KANK1: variants seen among roughly 807,000 people sequenced by gnomAD.
KANK1 encodes KN motif and ankyrin repeat domain-containing protein 1.
A neutral mutation model predicts 106.2 loss-of-function variants in KANK1; 109 were observed. The observed-to-expected ratio is 1.03, with a 90% CI of 0.88 to 1.20. The LOEUF (loss-of-function observed/expected upper bound fraction) is 1.20. Among genes scored for constraint, KANK1 ranks in the 50% most tolerant of loss-of-function variants. The pLI is 0.00. For synonymous variants in KANK1, 873 were observed against 652.2 expected (o/e 1.34, Z -5.16); for missense variants, 2,399 against 1,710.7 (o/e 1.40, Z -7.10).
At chr9:718,646 A>G (rs1828415162) in intron 3 of KANK1, among the ~76,000 whole-genome samples, 1 of 152,066 alleles carries the variant, frequency 6.6e-6, no homozygotes, top group Non-Finnish European at 1.5e-5. Flanking sequence ...GTGGACTTCC[A>G]TGGCCTCCTG....
At chr9:574,473 G>GGGGTGCTCTGGGAAAA (rs1304150098) in intron 1 of KANK1, among the ~76,000 whole-genome samples, 22 of 152,000 alleles carry the variant, frequency 1.4e-4, no homozygotes, top group South Asian at 2.1e-4. Context: ...ATTGAAGTAT[G>GGGGTGCTCTGGGAAAA]TCATTTATAT....
At chr9:706,828 C>G in intron 2 of KANK1, 2 of 985,494 alleles carry the variant, frequency 2.0e-6, no homozygotes, top group South Asian at 4.7e-5. Flanking sequence ...TGCACCTCCT[C>G]AGGTGACCGA....
intron 1 of KANK1, among the ~76,000 whole-genome samples, chr9:511,088 T>G (rs1037359171): frequency 3.3e-5 from 5 of 150,592 alleles, no homozygotes; most frequent in Non-Finnish European, 5.9e-5. Context: ...ATACTCAATA[T>G]CGATACAAAA....
intron 3 of KANK1, among the ~76,000 whole-genome samples, chr9:481,283 A>G (rs2058198389): frequency 1.4e-5 from 2 of 140,430 alleles, no homozygotes; most frequent in African/African-American, 5.4e-5. Context: ...TGTATTTAAA[A>G]ACAAAACAAA....
chr9:600,293 CT>C (rs1434676365), intron 1 of KANK1, among the ~76,000 whole-genome samples: 2 of 151,674 alleles, frequency 1.3e-5, no homozygotes. Flanking sequence ...CGCTGTCTGT[CT>C]TTTTGTGGCT....
At chr9:492,839 A>G (rs2058399123) in intron 3 of KANK1, among the ~76,000 whole-genome samples, 1 of 152,010 alleles carries the variant, frequency 6.6e-6, no homozygotes, top group South Asian at 2.1e-4. Context: ...AGCCTGACCA[A>G]CATGGAGAAA....
At chr9:520,758 C>T (rs2059508293) in intron 1 of KANK1, among the ~76,000 whole-genome samples, 1 of 151,726 alleles carries the variant, frequency 6.6e-6, no homozygotes, top group African/African-American at 2.4e-5. Flanking sequence ...ACTGATTAAT[C>T]TTTTATGAAT....
At chr9:739,674 C>A (rs1834827154) in intron 8 of KANK1, among the ~76,000 whole-genome samples, 1 of 152,218 alleles carries the variant, frequency 6.6e-6, no homozygotes, top group African/African-American at 2.4e-5. Flanking sequence ...CTGACAGGAA[C>A]AGCTTAGTAT....
intron 3 of KANK1, among the ~76,000 whole-genome samples, chr9:480,269 A>C (rs2132142608): frequency 6.6e-6 from 1 of 152,342 alleles, no homozygotes; most frequent in South Asian, 2.1e-4. Flanking sequence ...GCCAGACTCA[A>C]ATCACCCATA....
At chr9:629,895 A>G (rs1835256382) in intron 1 of KANK1, among the ~76,000 whole-genome samples, 1 of 152,204 alleles carries the variant, frequency 6.6e-6, no homozygotes, top group Admixed American at 6.5e-5. Context: ...TGTACTACGC[A>G]CTTTGTTCAT....
intron 1 of KANK1, among the ~76,000 whole-genome samples, chr9:615,753 C>T (rs940434316): frequency 6.6e-6 from 1 of 152,190 alleles, no homozygotes; most frequent in African/African-American, 2.4e-5. Context: ...TATATATTCT[C>T]TTTGACATTT....
chr9:621,915 G>A (rs932812525), intron 1 of KANK1, among the ~76,000 whole-genome samples: 3 of 152,154 alleles, frequency 2.0e-5, no homozygotes, highest in African/African-American at 7.2e-5. Flanking sequence ...AAGGGCTTTG[G>A]TTTGTTCTGG....
At chr9:555,489 G>A (rs1308388093) in intron 1 of KANK1, among the ~76,000 whole-genome samples, 1 of 152,190 alleles carries the variant, frequency 6.6e-6, no homozygotes, top group Admixed American at 6.5e-5. Context: ...CATAAATCAG[G>A]ATTCAGATAC....
intron 1 of KANK1, among the ~76,000 whole-genome samples, chr9:613,739 G>A (rs1379048479): frequency 2.0e-5 from 3 of 152,006 alleles, no homozygotes; most frequent in Non-Finnish European, 4.4e-5. Flanking sequence ...GATACTTCTT[G>A]AACTTTACTT....
At chr9:489,660 G>A (rs2132281420) in intron 3 of KANK1, among the ~76,000 whole-genome samples, 1 of 152,316 alleles carries the variant, frequency 6.6e-6, no homozygotes, top group Non-Finnish European at 1.5e-5. Context: ...ACCCTGTAGA[G>A]TTGGTGAAAG....
chr9:593,812 T>A lies in KANK1; in HGVS notation c.-83-83078T>A, dbSNP rs111580253. 7.9e-4 allele frequency among the ~76,000 whole-genome samples: 120 copies of A among 151,992 alleles called. 4 individuals carry two copies. Among genetic ancestry groups the A allele is most frequent in the African/African-American group, 2.8e-3 (114 of 41,272 alleles). Reference sequence around the variant, plus strand: ...AAAATGAACACTTAGCTAAAATGTGTTCACTGGGTTATGACAAGTAACTGG... The same window carrying A: ...AAAATGAACACTTAGCTAAAATGTGATCACTGGGTTATGACAAGTAACTGG... On this transcript the variant is annotated intron_variant, in intron 1 of 11. Transcript: ENST00000382297.
intron 1 of KANK1, among the ~76,000 whole-genome samples, chr9:527,649 T>C (rs1365425948): frequency 6.6e-6 from 1 of 151,438 alleles, no homozygotes; most frequent in Non-Finnish European, 1.5e-5. Flanking sequence ...CTGCACAAGG[T>C]TACAAGGGAG....
chr9:647,125 G>C (rs1367855776), intron 1 of KANK1, among the ~76,000 whole-genome samples: 1 of 151,110 alleles, frequency 6.6e-6, no homozygotes, highest in African/African-American at 2.5e-5. Context: ...TGGGGAGGGA[G>C]ACATCCAAAG....
chr9:512,960 C>T (rs1176228459), intron 1 of KANK1, among the ~76,000 whole-genome samples: 3 of 152,148 alleles, frequency 2.0e-5, no homozygotes, highest in Non-Finnish European at 2.9e-5. Flanking sequence ...GCAGTCCATT[C>T]TTTACCAGGC....
Sources: gnomAD v4.1 joint callset for allele counts (sites outside exome capture counted in the v4.1 genomes callset) on GRCh38, gnomAD v4.1.1 for gene constraint, MANE v1.5 for transcripts, NCBI Gene and HGNC (gene_info 2026-07-23, HGNC 2026-07-21) for gene names.